Variants in ARFIP1 observed in about 807,000 individuals in gnomAD.
The protein encoded by ARFIP1 is ARF interacting protein 1.
In ARFIP1, 24 loss-of-function variants were observed where a neutral mutation model predicts 42.5. The observed-to-expected ratio is 0.57, with a 90% CI of 0.41 to 0.80. The LOEUF (loss-of-function observed/expected upper bound fraction) is 0.80. Among genes scored for constraint, ARFIP1 ranks in the 30% least tolerant of loss-of-function variants. The pLI, the probability that ARFIP1 is intolerant of heterozygous loss-of-function variation, is 0.00. For synonymous variants in ARFIP1, 141 were observed against 153.7 expected, an observed-to-expected ratio of 0.92 and a Z score of 0.61; for missense variants, 354 against 434.0, an observed-to-expected ratio of 0.82 and a Z score of 1.64.
At chr4:152,858,827 A>G (rs186819652) in intron 2 of ARFIP1, among the ~76,000 whole-genome samples, 72 of 152,294 alleles carry the variant, frequency 4.7e-4, no homozygotes, top group African/African-American at 1.5e-3. Flanking sequence ...AAAATAGAAC[A>G]AGGTAAGGGG....
chr4:152,900,431 C>T (rs1737731334), intron 8 of ARFIP1, among the ~76,000 whole-genome samples: 1 of 152,024 alleles, frequency 6.6e-6, no homozygotes, highest in Non-Finnish European at 1.5e-5. Flanking sequence ...TAACCTTCTG[C>T]TTGTCAGTGA....
intron 2 of ARFIP1, among the ~76,000 whole-genome samples, chr4:152,844,513 C>T (rs1467961061): frequency 3.3e-5 from 5 of 151,410 alleles, no homozygotes; most frequent in Non-Finnish European, 7.4e-5. Context: ...GATTCCCTTG[C>T]AATTATTTTA....
At chr4:152,831,879 G>T (rs1731271230) in intron 2 of ARFIP1, among the ~76,000 whole-genome samples, 1 of 151,954 alleles carries the variant, frequency 6.6e-6, no homozygotes, top group Non-Finnish European at 1.5e-5. Flanking sequence ...CATCATCTAG[G>T]TTTTAAGCCC....
chr4:152,906,992 C>G (rs1257292034), intron 8 of ARFIP1, among the ~76,000 whole-genome samples: 1 of 152,226 alleles, frequency 6.6e-6, no homozygotes, highest in Non-Finnish European at 1.5e-5. Flanking sequence ...TTAATTGCAA[C>G]TCTCACCCAG....
chr4:152,886,542 T>C (rs1426490439), intron 7 of ARFIP1, among the ~76,000 whole-genome samples: 1 of 152,020 alleles, frequency 6.6e-6, no homozygotes, highest in African/African-American at 2.4e-5. Context: ...CCAATTCACC[T>C]AGCCAGCTTT....
intron 8 of ARFIP1, among the ~76,000 whole-genome samples, chr4:152,907,807 C>T (rs1389951270): frequency 6.6e-6 from 1 of 152,114 alleles, no homozygotes; most frequent in East Asian, 1.9e-4. Flanking sequence ...TGGTGGTTTT[C>T]TTGCTTTTTT....
In ARFIP1 at chr4:152,881,197, T is replaced by C; in HGVS notation, c.633+13T>C. 1 of 1,560,936 alleles carries C rather than the reference T, an allele frequency of 6.4e-7. No homozygotes were observed. Among genetic ancestry groups the C allele is most frequent in the East Asian group, 2.2e-5 (1 of 44,558 alleles). On this transcript the variant is annotated intron_variant, in intron 6 of 8. Coordinates refer to ENST00000353617, the MANE Select transcript of ARFIP1 (RefSeq NM_001025595.3). ...ACTAGAACTTCATGTAAGATTATTC[T>C]AAATAACTATTAGGGATGGGAGAAA...
chr4:152,800,922 C>T (rs1271937391), intron 1 of ARFIP1, among the ~76,000 whole-genome samples: 2 of 152,008 alleles, frequency 1.3e-5, no homozygotes, highest in African/African-American at 2.4e-5. Context: ...AGTCTTATAG[C>T]GTGGGTACAA....
At chr4:152,820,551 TAC>T (rs1730287591) in intron 1 of ARFIP1, among the ~76,000 whole-genome samples, 2 of 152,210 alleles carry the variant, frequency 1.3e-5, no homozygotes. Context: ...TGAGGAAACT[TAC>T]AGTCGTAGTG....
chr4:152,818,743 A>T (rs1479332430), intron 1 of ARFIP1, among the ~76,000 whole-genome samples: 1 of 152,168 alleles, frequency 6.6e-6, no homozygotes, highest in Non-Finnish European at 1.5e-5. Context: ...TTTGCCTTCC[A>T]AATGTAGGCT....
At chr4:152,873,798 C>T (rs1160109553) in intron 5 of ARFIP1, among the ~76,000 whole-genome samples, 1 of 152,180 alleles carries the variant, frequency 6.6e-6, no homozygotes, top group Non-Finnish European at 1.5e-5. Context: ...CGTGGGTTCG[C>T]TCCTGCTTAA....
chr4:152,876,667 G>A (rs1288970873), intron 5 of ARFIP1, among the ~76,000 whole-genome samples: 1 of 152,232 alleles, frequency 6.6e-6, no homozygotes, highest in African/African-American at 2.4e-5. Flanking sequence ...AGATGATGGG[G>A]AAAATGTCTT....
chr4:152,855,949 T>G (rs1172179289), intron 2 of ARFIP1, among the ~76,000 whole-genome samples: 1 of 152,230 alleles, frequency 6.6e-6, no homozygotes, highest in African/African-American at 2.4e-5. Context: ...ACTTTTCTGT[T>G]GGATTCCAGT....
intron 3 of ARFIP1, among the ~76,000 whole-genome samples, chr4:152,866,799 C>T (rs549462532): frequency 6.0e-5 from 9 of 151,144 alleles, no homozygotes; most frequent in South Asian, 2.1e-4. Flanking sequence ...TGGGCAGAGA[C>T]GCTCCTCACC....
intron 1 of ARFIP1, among the ~76,000 whole-genome samples, chr4:152,804,222 T>TAAGATGTATTATATATAATATATAAC (rs1728732842): frequency 4.2e-5 from 2 of 48,138 alleles, no homozygotes; most frequent in East Asian, 7.0e-4. Flanking sequence ...TTATATATAA[T>TAAGATGTATTATATATAATATATAAC]ATAACATGTA....
At chr4:152,794,111 T>C (rs1011021911) in intron 1 of ARFIP1, among the ~76,000 whole-genome samples, 3 of 152,128 alleles carry the variant, frequency 2.0e-5, no homozygotes, top group Non-Finnish European at 4.4e-5. Flanking sequence ...TGCTAACATC[T>C]TACATAACCA....
chr4:152,887,562 A>G (rs1261539177), intron 7 of ARFIP1, among the ~76,000 whole-genome samples: 2 of 152,102 alleles, frequency 1.3e-5, no homozygotes, highest in South Asian at 2.1e-4. Context: ...CATTGATTAC[A>G]TGCCACAATG....
At chr4:152,819,787 C>T (rs188224780) in intron 1 of ARFIP1, among the ~76,000 whole-genome samples, 106 of 152,250 alleles carry the variant, frequency 7.0e-4, no homozygotes, top group African/African-American at 2.5e-3. Context: ...GTCAGGCAGC[C>T]CTGGTGCTCC....
At chr4:152,866,490 G>A (rs1008571326) in intron 3 of ARFIP1, among the ~76,000 whole-genome samples, 2 of 149,848 alleles carry the variant, frequency 1.3e-5, no homozygotes, top group African/African-American at 2.5e-5. Context: ...AGCTGGCCGG[G>A]CGGGGGCTGA....
Sources: gnomAD v4.1 joint callset for allele counts (sites outside exome capture counted in the v4.1 genomes callset) on GRCh38, gnomAD v4.1.1 for gene constraint, MANE v1.5 for transcripts, NCBI Gene and HGNC (gene_info 2026-07-23, HGNC 2026-07-21) for gene names.